C7orf78: variants seen among roughly 807,000 people sequenced by gnomAD.
The protein encoded by C7orf78 is chromosome 7 open reading frame 78.
chr7:12,532,266 C>G, the C7orf78 span, among the ~76,000 whole-genome samples: 2 of 152,082 alleles, frequency 1.3e-5, no homozygotes, highest in South Asian at 4.1e-4. Flanking sequence ...AAAGAAAAAC[C>G]TGGCCGGGCA....
chr7:12,493,436 A>G, the C7orf78 span, among the ~76,000 whole-genome samples: 6 of 152,308 alleles, frequency 3.9e-5, no homozygotes, highest in African/African-American at 1.4e-4. Context: ...TTGACCAGAC[A>G]TCAGAATCCC....
the C7orf78 span, among the ~76,000 whole-genome samples, chr7:12,488,202 C>T: frequency 6.6e-6 from 1 of 152,128 alleles, no homozygotes; most frequent in South Asian, 2.1e-4. Flanking sequence ...ATAAAACTTT[C>T]AAACATTGCT....
chr7:12,516,997 G>C, the C7orf78 span, among the ~76,000 whole-genome samples: 3 of 152,154 alleles, frequency 2.0e-5, no homozygotes, highest in African/African-American at 7.2e-5. Flanking sequence ...TTGGGAGATT[G>C]TTGGGAAGGC....
the C7orf78 span, among the ~76,000 whole-genome samples, chr7:12,521,447 T>C: frequency 6.6e-6 from 1 of 152,052 alleles, no homozygotes; most frequent in Non-Finnish European, 1.5e-5. Context: ...ACCCATTATA[T>C]GACCTTCTTT....
At chr7:12,524,804 C>G in the C7orf78 span, among the ~76,000 whole-genome samples, 4 of 152,034 alleles carry the variant, frequency 2.6e-5, no homozygotes, top group African/African-American at 9.7e-5. Context: ...GATCTCACCA[C>G]TGCACTCCAT....
the C7orf78 span, among the ~76,000 whole-genome samples, chr7:12,507,774 G>A: frequency 1.3e-5 from 2 of 152,108 alleles, no homozygotes; most frequent in Admixed American, 6.6e-5. Flanking sequence ...TTTAATTAGT[G>A]CATGTATGTT....
the C7orf78 span, among the ~76,000 whole-genome samples, chr7:12,486,547 C>T: frequency 6.6e-6 from 1 of 151,820 alleles, no homozygotes; most frequent in South Asian, 2.1e-4. Context: ...TTTCCTATTT[C>T]TGTATATAGG....
chr7:12,510,527 C>G, the C7orf78 span, among the ~76,000 whole-genome samples: 1 of 152,004 alleles, frequency 6.6e-6, no homozygotes, highest in Non-Finnish European at 1.5e-5. Flanking sequence ...ACATTCTCAC[C>G]AACAGTGTAT....
chr7:12,532,190 G>T, the C7orf78 span, among the ~76,000 whole-genome samples: 2 of 152,200 alleles, frequency 1.3e-5, no homozygotes, highest in Admixed American at 1.3e-4. Flanking sequence ...TTGCTTGTCT[G>T]TGTCTGCAGC....
chr7:12,488,928 G>T, the C7orf78 span, among the ~76,000 whole-genome samples: 57 of 133,974 alleles, frequency 4.3e-4, no homozygotes, highest in African/African-American at 8.4e-4. Flanking sequence ...TTTTTTTTTG[G>T]TTTTTTGCTT....
At chr7:12,529,529 A>C in the C7orf78 span, among the ~76,000 whole-genome samples, 1 of 152,214 alleles carries the variant, frequency 6.6e-6, no homozygotes, top group African/African-American at 2.4e-5. Flanking sequence ...ATGACCTGTA[A>C]CACAGTCTCA....
chr7:12,497,284 G>T, the C7orf78 span, among the ~76,000 whole-genome samples: 2 of 152,174 alleles, frequency 1.3e-5, no homozygotes, highest in Non-Finnish European at 2.9e-5. Context: ...CGCAGAAGAC[G>T]GGTGATTTCT....
At chr7:12,538,292 C>A in the C7orf78 span, 2 of 152,126 alleles carry the variant, frequency 1.3e-5, no homozygotes, top group Non-Finnish European at 2.9e-5. Flanking sequence ...CTGTTTTCAA[C>A]AAAATCCTGC....
the C7orf78 span, chr7:12,541,928 A>T: frequency 1.3e-5 from 2 of 152,236 alleles, no homozygotes; most frequent in African/African-American, 4.8e-5. Flanking sequence ...TGGAGAATTT[A>T]TAGTTCCAAC....
At chr7:12,500,774 C>G in the C7orf78 span, among the ~76,000 whole-genome samples, 2 of 150,090 alleles carry the variant, frequency 1.3e-5, no homozygotes, top group Non-Finnish European at 3.0e-5. Context: ...AGAGACACAA[C>G]CAAAAAAGAG....
the C7orf78 span, among the ~76,000 whole-genome samples, chr7:12,489,560 T>G: frequency 8.5e-5 from 13 of 152,246 alleles, no homozygotes; most frequent in African/African-American, 2.4e-4. Context: ...GCACTTATTT[T>G]TCATTCACCT....
chr7:12,501,669 C>G, the C7orf78 span, among the ~76,000 whole-genome samples: 1 of 137,674 alleles, frequency 7.3e-6, no homozygotes, highest in African/African-American at 2.6e-5. Context: ...AGGTAATTTA[C>G]AGATTCAATG....
the C7orf78 span, chr7:12,484,024 C>G: frequency 6.6e-6 from 1 of 151,820 alleles, no homozygotes; most frequent in African/African-American, 2.4e-5. Flanking sequence ...AGGTAAAGGT[C>G]GATCTTATGT....
the C7orf78 span, among the ~76,000 whole-genome samples, chr7:12,484,901 T>C: frequency 6.6e-6 from 1 of 152,216 alleles, no homozygotes. Context: ...CTCTGTTCTA[T>C]CATCTTAGGT....
Sources: gnomAD v4.1 joint callset for allele counts (sites outside exome capture counted in the v4.1 genomes callset) on GRCh38, gnomAD v4.1.1 for gene constraint, MANE v1.5 for transcripts, NCBI Gene and HGNC (gene_info 2026-07-23, HGNC 2026-07-21) for gene names.